The following FAT1 variants were observed in gnomAD, a reference collection of about 807,000 sequenced individuals.
FAT1 encodes the protein protocadherin Fat 1.
A neutral mutation model predicts 329.8 loss-of-function variants in FAT1; 171 were observed. The observed-to-expected ratio is 0.52, with a 90% confidence interval of 0.46 to 0.59. The LOEUF (loss-of-function observed/expected upper bound fraction) is 0.59. FAT1 is among the 20% of genes least tolerant of loss of function. FAT1 has a pLI of 0.00. For missense variants in FAT1, 5,672 were observed against 5,774.4 expected (o/e 0.98, Z 0.57); for synonymous variants, 2,233 against 2,228.6 (o/e 1.00, Z -0.06).
intron 2 of FAT1, among the ~76,000 whole-genome samples, chr4:186,669,055 G>C (rs556371283): frequency 6.6e-6 from 1 of 152,098 alleles, no homozygotes; most frequent in Non-Finnish European, 1.5e-5. Flanking sequence ...ACATATTCAC[G>C]ACCTCACCTT....
In FAT1 at chr4:186,589,227, G is replaced by A; in HGVS notation, c.13139-7C>T. On this transcript the variant is annotated splice_polypyrimidine_tract_variant and splice_region_variant and intron_variant, in intron 26 of 26. Coordinates refer to ENST00000441802, the MANE Select transcript of FAT1 (RefSeq NM_005245.4). ...GATGTATCCCAGTGATACCCTTGGT[G>A]GAAAAGAAAACAGATGTCAGTGTGT... 1 of 1,592,494 alleles carries A rather than the reference G, an allele frequency of 6.3e-7. No homozygotes were observed. Among genetic ancestry groups the A allele is most frequent in the Non-Finnish European group, 8.5e-7 (1 of 1,170,094 alleles).
At chr4:186,616,891 G>T (rs916756295) in intron 11 of FAT1, 114 bp downstream of exon 11, 22 of 908,298 alleles carry the variant, frequency 2.4e-5, no homozygotes, top group Non-Finnish European at 3.4e-5. Flanking sequence ...TGCTTAATCA[G>T]TAAGTGATCA....
intron 3 of FAT1, among the ~76,000 whole-genome samples, chr4:186,644,792 G>T (rs1034303544): frequency 1.3e-5 from 2 of 152,210 alleles, no homozygotes; most frequent in African/African-American, 4.8e-5. Context: ...AGACGTAAAA[G>T]TGAACATCAA....
chr4:186,593,739 C>T (rs1018684971), intron 26 of FAT1, among the ~76,000 whole-genome samples: 9 of 152,134 alleles, frequency 5.9e-5, no homozygotes, highest in African/African-American at 1.7e-4. Context: ...GTTCTTCCCT[C>T]GAGCTGCAGA....
chr4:186,654,186 A>G (rs534830785), intron 3 of FAT1, among the ~76,000 whole-genome samples: 1 of 152,314 alleles, frequency 6.6e-6, no homozygotes, highest in South Asian at 2.1e-4. Flanking sequence ...ATTATTTGTA[A>G]AATGAAGAAA....
rs2126357277 is a variant in FAT1, at chr4:186,589,164, C to G, written c.13195G>C (p.Glu4399Gln). The change falls in exon 27 of 27, where the codon GAG (glutamate) becomes CAG (glutamine). Residue 4399 changes from glutamate to glutamine, a missense_variant. Transcript: ENST00000441802. ...TCAATCACCTCATAGTTGGGGAACT[C>G]TTGTATGTCCGGCAGAGGAACGCTT... ...MPSVPLPDIQ[E>Q]FPNYEVIDEQ... 6.2e-7 allele frequency: 1 copy of G among 1,613,818 alleles called. No individual in the cohort carries two copies. The highest frequency in any genetic ancestry group is 1.7e-5 in the Admixed American group (1 of 60,006).
chr4:186,656,994 T>G (rs1488104658), intron 3 of FAT1, among the ~76,000 whole-genome samples: 7 of 151,128 alleles, frequency 4.6e-5, no homozygotes, highest in Admixed American at 4.6e-4. Flanking sequence ...GCAGACAAAA[T>G]GAATGCACTG....
At chr4:186,647,806 G>A (rs1741449213) in intron 3 of FAT1, among the ~76,000 whole-genome samples, 2 of 152,278 alleles carry the variant, frequency 1.3e-5, no homozygotes, top group South Asian at 2.1e-4. Flanking sequence ...AAGTTTTAGG[G>A]TCTTCAGTGT....
rs756245886 is a variant in FAT1 at position 186,709,013 on chromosome 4, G to A, written c.815C>T (p.Ala272Val). 4 of 1,613,914 alleles carry A rather than the reference G, an allele frequency of 2.5e-6. No individual in the cohort carries two copies. In the African/African-American group the frequency reaches 4.0e-5, roughly 16 times the overall value. The change falls in exon 2 of 27, where the codon GCA becomes GTA. Residue 272 changes from alanine to valine, a missense_variant. Transcript: ENST00000441802. ...GTCATCCACTGTCACAATTGCATATGCTGGGTCCCTGTCCAGTTCTGATGG... is the reference window on the plus strand; with the variant it reads ...GTCATCCACTGTCACAATTGCATATACTGGGTCCCTGTCCAGTTCTGATGG... ...LSPSELDRDP[A>V]YAIVTVDDCD...
At chr4:186,685,316 C>T (rs75434272) in intron 2 of FAT1, among the ~76,000 whole-genome samples, 3,582 of 152,236 alleles carry the variant, frequency 0.024, 173 homozygotes, top group East Asian at 0.16. Flanking sequence ...GATACGGAAC[C>T]GTAGAGAACG....
rs370921835 is a variant in FAT1 at position 186,709,015 on chromosome 4, T to C, written c.813A>G (p.Pro271=). ...TLSPSELDRD[P]AYAIVTVDDC... The stretch of plus-strand genomic sequence containing the variant: ...CATCCACTGTCACAATTGCATATGC[T>C]GGGTCCCTGTCCAGTTCTGATGGTG... The change falls in exon 2 of 27, where the codon CCA becomes CCG. Residue 271 remains proline (P), a synonymous_variant. Coordinates refer to ENST00000441802, the MANE Select transcript of FAT1 (RefSeq NM_005245.4). 4.3e-5 allele frequency: 69 copies of C among 1,613,914 alleles called. No homozygotes were observed. Among genetic ancestry groups the C allele is most frequent in the Non-Finnish European group, 5.5e-5 (65 of 1,179,910 alleles).
chr4:186,605,380 GAAAGAGTGGAGACAGTGAAA>G (rs1739068369), intron 17 of FAT1, among the ~76,000 whole-genome samples: 2 of 139,276 alleles, frequency 1.4e-5, no homozygotes, highest in African/African-American at 2.7e-5. Flanking sequence ...GGGAGGAGGA[GAAAGAGTGGAGACAGTGAAA>G]TGGGGAGGAA....
chr4:186,617,680 T>G lies in FAT1; in HGVS notation c.8878+28A>C, dbSNP rs747647747. 8 of 1,504,644 alleles carry G rather than the reference T, an allele frequency of 5.3e-6. No homozygotes were observed. In the East Asian group the frequency reaches 1.4e-4, roughly 26 times the overall value. The allele number at this position is 1,504,644 out of a possible 1,614,324, so 93.2% of individuals were successfully genotyped here. ...CTTCTAAAAATCATTTTAAATTAAT[T>G]AAACCGTTTGGTATGAATTTTTTTT... On this transcript the variant is annotated intron_variant, in intron 10 of 26. Coordinates refer to ENST00000441802, the MANE Select transcript of FAT1 (RefSeq NM_005245.4).
intron 3 of FAT1, among the ~76,000 whole-genome samples, chr4:186,654,426 G>A (rs1021882790): frequency 1.3e-5 from 2 of 152,140 alleles, no homozygotes; most frequent in African/African-American, 4.8e-5. Context: ...GAGACAGAAA[G>A]GGGCAAAACA....
intron 2 of FAT1, among the ~76,000 whole-genome samples, chr4:186,699,841 T>A (rs1018155168): frequency 2.6e-5 from 4 of 152,148 alleles, no homozygotes; most frequent in African/African-American, 9.7e-5. Flanking sequence ...TAAGAAAATC[T>A]CCAACATTTA....
At chr4:186,690,683 C>A (rs1044755775) in intron 2 of FAT1, among the ~76,000 whole-genome samples, 2 of 151,376 alleles carry the variant, frequency 1.3e-5, no homozygotes, top group Non-Finnish European at 2.9e-5. Context: ...GAGTGAGACT[C>A]TGCCTCAAAA....
At position 186,617,819 on chromosome 4, in the gene FAT1, A is replaced by G. The variant is rs1739787158; in HGVS notation, c.8767T>C (p.Tyr2923His). 6.2e-7 allele frequency: 1 copy of G among 1,613,880 alleles called. No homozygotes were observed. Among genetic ancestry groups the G allele is most frequent in the Non-Finnish European group, 8.5e-7 (1 of 1,179,896 alleles). The change falls in exon 10 of 27, where the codon TAT (tyrosine) becomes CAT (histidine). Residue 2923 changes from tyrosine to histidine, a missense_variant. Tyr to His is a moderately conservative substitution (Grantham distance 83, BLOSUM62 2). This residue lies in a region of FAT1 where 3,966 missense variants were observed against 3,915.2 expected (regional missense o/e 1.01). Coordinates refer to ENST00000441802, the MANE Select transcript of FAT1 (RefSeq NM_005245.4). ...DSPPRFTAEI[Y>H]KGTVSEDDPQ... is the part of the protein sequence containing the mutation. ...TCATCCTCACTCACAGTCCCTTTAT[A>G]GATCTCGGCCGTGAATCGTGGTGGA...
rs2126353180 is a variant in FAT1, at chr4:186,588,954, G to A, written c.13405C>T (p.Pro4469Ser). Residue 4469 changes from proline to serine, a missense_variant, in exon 27 of 27, where the codon CCT (proline) becomes TCT (serine). Transcript: ENST00000441802. The stretch of plus-strand genomic sequence containing the variant: ...GAAGAACCCAAGCTACCCGCGGCAG[G>A]CATGTCTCTAGGAGGGTGGATGGAT... ...FESIHPPRDM[P>S]AAGSLGSSSR... 6.2e-7 allele frequency: 1 copy of A among 1,613,960 alleles called. No homozygotes were observed. The highest frequency in any genetic ancestry group is 8.5e-7 in the Non-Finnish European group (1 of 1,179,888).
At chr4:186,602,607 A>C (rs922065947) in intron 20 of FAT1, among the ~76,000 whole-genome samples, 22 of 152,196 alleles carry the variant, frequency 1.4e-4, no homozygotes, top group Non-Finnish European at 2.5e-4. Flanking sequence ...GTGAGATATG[A>C]TCACTCTTGA....
Sources: gnomAD v4.1 joint callset for allele counts (sites outside exome capture counted in the v4.1 genomes callset) on GRCh38, gnomAD v4.1.1 for gene constraint, gnomAD v4.1.1 regional missense constraint, MANE v1.5 for transcripts, NCBI Gene and HGNC (gene_info 2026-07-23, HGNC 2026-07-21) for gene names.